The following HAUS7 variants were observed in gnomAD, a reference collection of about 807,000 sequenced individuals.
HAUS7 encodes HAUS augmin like complex subunit 7.
A neutral mutation model predicts 28.4 loss-of-function variants in HAUS7; 3 were observed. That is an observed-to-expected ratio of 0.11 (90% confidence interval 0.05 to 0.27). HAUS7 has a LOEUF of 0.27. Among genes scored for constraint, HAUS7 ranks in the 10% least tolerant of loss-of-function variants. The pLI is 1.00. For synonymous variants in HAUS7, 165 were observed against 132.1 expected, an observed-to-expected ratio of 1.25 and a Z score of -1.71; for missense variants, 284 against 297.3, an observed-to-expected ratio of 0.96 and a Z score of 0.33.
At chrX:153,454,918 G>A (rs368589936) in intron 8 of HAUS7, 1 of 1,037,762 alleles carries the variant, frequency 9.6e-7, no homozygotes, top group Non-Finnish European at 1.3e-6. Flanking sequence ...CCAGTCAGAG[G>A]TTGGAAGGCT....
chrX:153,481,989 A>G (rs782785155), intron 1 of HAUS7: 2 of 544,788 alleles, frequency 3.7e-6, no homozygotes, highest in African/African-American at 5.1e-5. Flanking sequence ...GGCAGGTCCC[A>G]GGTGACCTGA....
At chrX:153,467,968 C>T (rs1429544717) in intron 2 of HAUS7, among the ~76,000 whole-genome samples, 1 of 112,143 alleles carries the variant, frequency 8.9e-6, no homozygotes, top group Non-Finnish European at 1.9e-5. Flanking sequence ...GGAGGACGTA[C>T]GACATGCAGA....
chrX:153,489,538 G>T (rs2089658957), intron 1 of HAUS7, among the ~76,000 whole-genome samples: 1 of 112,659 alleles, frequency 8.9e-6, no homozygotes, highest in South Asian at 3.7e-4. Context: ...ACTAGGGTCA[G>T]AAGGGAGGCA....
At chrX:153,475,906 C>T (rs1213374332) in intron 1 of HAUS7, among the ~76,000 whole-genome samples, 2 of 112,189 alleles carry the variant, frequency 1.8e-5, no homozygotes, top group African/African-American at 6.5e-5. Context: ...CGCTCCTCCT[C>T]GCAACCCCGC....
At chrX:153,494,692 G>A (rs1328069048) in intron 1 of HAUS7, among the ~76,000 whole-genome samples, 1 of 104,827 alleles carries the variant, frequency 9.5e-6, no homozygotes, top group Non-Finnish European at 2.0e-5. Context: ...CCTTGTTTGA[G>A]TGAGTGCGAG....
At chrX:153,457,812 C>T (rs782731812) in intron 4 of HAUS7, among the ~76,000 whole-genome samples, 1 of 113,301 alleles carries the variant, frequency 8.8e-6, no homozygotes, top group Non-Finnish European at 1.9e-5. Flanking sequence ...AAGCTCAAGG[C>T]TTCCGGAAGC....
intron 7 of HAUS7, 100 bp downstream of exon 7, chrX:153,456,165 C>T (rs2089305344): frequency 1.8e-5 from 11 of 623,884 alleles, no homozygotes; most frequent in South Asian, 5.0e-5. Context: ...ATGTCAGGCC[C>T]GGTGCACAGG....
At chrX:153,451,107 G>C (rs1292265215) in intron 9 of HAUS7, among the ~76,000 whole-genome samples, 1 of 112,241 alleles carries the variant, frequency 8.9e-6, no homozygotes, top group South Asian at 3.7e-4. Flanking sequence ...CGGGGCTCAA[G>C]GGTGAAGAGA....
At chrX:153,462,114 C>T in intron 4 of HAUS7, 1 of 1,055,396 alleles carries the variant, frequency 9.5e-7, no homozygotes, top group East Asian at 3.4e-5. Context: ...AAATCATATG[C>T]AAGAATGTTT....
chrX:153,452,294 A>C (rs782770042), intron 9 of HAUS7, among the ~76,000 whole-genome samples: 2 of 112,456 alleles, frequency 1.8e-5, no homozygotes, highest in South Asian at 7.4e-4. Flanking sequence ...GCATGGAAGG[A>C]CACTAGACAG....
At chrX:153,456,041 A>G (rs1010183206) in intron 7 of HAUS7, among the ~76,000 whole-genome samples, 20 of 112,655 alleles carry the variant, frequency 1.8e-4, no homozygotes, top group African/African-American at 6.5e-4. Context: ...GGCAAGGCAC[A>G]TGGCAATGTG....
chrX:153,465,178 T>TA (rs1734037283), intron 2 of HAUS7, 123 bp from the exon 3 acceptor site: 2 of 450,422 alleles, frequency 4.4e-6, no homozygotes. Context: ...CGGCTCACTT[T>TA]AAAGTGGTTA....
In HAUS7 at chrX:153,469,009, C is replaced by T. The variant is rs1016365631; in HGVS notation, c.224+137G>A. ...CTCCTTACCTACACAGCTGTTCTCA[C>T]GAGGGTCCAGGCTAGGGGGTGGAGC... is the stretch of plus-strand genomic sequence containing the variant. On this transcript the variant is annotated intron_variant, in intron 2 of 9. Coordinates refer to ENST00000370211, the MANE Select transcript of HAUS7 (RefSeq NM_001385482.1). 10 of 470,874 alleles carry T rather than the reference C, an allele frequency of 2.1e-5. No homozygotes were observed. In the South Asian group the frequency reaches 2.2e-4, roughly 10 times the overall value. The allele number at this position is 470,874 out of a possible 1,213,427, so 38.8% of individuals were successfully genotyped here. A position where few individuals can be genotyped will look rare whatever the true frequency, so the allele number is the denominator to read the frequency against.
rs2032436 is a variant in HAUS7, at chrX:153,470,501, C to T, written c.57G>A (p.Glu19=). 259,714 of 1,203,893 alleles carry T rather than the reference C, an allele frequency of 0.22. 21,835 individuals are homozygous for T. Among genetic ancestry groups the T allele is most frequent in the Non-Finnish European group, 0.24 (218,477 of 891,771 alleles). Reference sequence around the variant, plus strand: ...CCGCCCTGGACACGCTGCTGTCGCCCTCGTCCTCTGAGTAGTCGTCGCCGC... The same window carrying T: ...CCGCCCTGGACACGCTGCTGTCGCCTTCGTCCTCTGAGTAGTCGTCGCCGC... The part of the protein sequence containing the change: ...GRGGDDYSED[E]GDSSVSRAAV... Residue 19 remains glutamate, a synonymous_variant, in exon 1 of 10, where the codon GAG becomes GAA. Coordinates refer to ENST00000370211, the MANE Select transcript of HAUS7 (RefSeq NM_001385482.1).
chrX:153,478,934 A>G (rs1446837252), intron 1 of HAUS7, among the ~76,000 whole-genome samples: 1 of 112,390 alleles, frequency 8.9e-6, no homozygotes, highest in African/African-American at 3.2e-5. Context: ...AGCCCCATTC[A>G]TGGAGGCCAC....
chrX:153,469,198 G>A lies in HAUS7; in HGVS notation c.172C>T (p.Leu58=). Residue 58 remains leucine, a synonymous_variant, in exon 2 of 10, where the codon CTG becomes TTG. Transcript: ENST00000370211. ...ITEPKTIQEL[L]CSPSEYRLEI... is the part of the protein sequence containing the mutation. Reference sequence around the variant, plus strand: ...AAGCGGTACTCTGAGGGGCTGCACAGCAGTTCCTGAATTGTCTTTGGCTCT... The same window carrying A: ...AAGCGGTACTCTGAGGGGCTGCACAACAGTTCCTGAATTGTCTTTGGCTCT... 8.3e-7 allele frequency: 1 copy of A among 1,199,229 alleles called. No homozygotes were observed. The highest frequency in any genetic ancestry group is 1.1e-6 in the Non-Finnish European group (1 of 883,646).
chrX:153,454,018 C>T (rs782212242), intron 9 of HAUS7, among the ~76,000 whole-genome samples: 1 of 110,799 alleles, frequency 9.0e-6, no homozygotes, highest in Non-Finnish European at 1.9e-5. Flanking sequence ...GTGGTTTTGC[C>T]ATGTTGCCCA....
intron 4 of HAUS7, among the ~76,000 whole-genome samples, chrX:153,460,177 C>T (rs2089369857): frequency 8.9e-6 from 1 of 112,248 alleles, no homozygotes; most frequent in Non-Finnish European, 1.9e-5. Context: ...AAGCCAGGCA[C>T]CAAAGGCCAC....
intron 9 of HAUS7, among the ~76,000 whole-genome samples, chrX:153,448,309 C>G (rs2089190420): frequency 9.7e-6 from 1 of 103,418 alleles, no homozygotes; most frequent in Non-Finnish European, 1.9e-5. Flanking sequence ...AAACCAAACA[C>G]CGCATGTTCT....
Sources: allele counts gnomAD v4.1 joint callset (sites outside exome capture counted in the v4.1 genomes callset), GRCh38; gene constraint gnomAD v4.1.1; transcripts MANE v1.5; gene names NCBI Gene and HGNC (gene_info 2026-07-23, HGNC 2026-07-21).